The following SCN1A variants were observed in gnomAD, a reference collection of about 807,000 sequenced individuals.
SCN1A encodes sodium voltage-gated channel alpha subunit 1, also known as sodium channel protein type 1 subunit alpha.
Under a neutral mutation model 193.7 loss-of-function variants are expected in SCN1A, and 13 were observed. The observed-to-expected ratio is 0.07, with a 90% CI of 0.04 to 0.11. The LOEUF (loss-of-function observed/expected upper bound fraction) is 0.11. Ranked by LOEUF, SCN1A falls within the 10% of genes least tolerant of loss-of-function variation. The pLI, the probability that SCN1A is intolerant of heterozygous loss-of-function variation, is 1.00. For synonymous variants in SCN1A, 781 were observed against 843.6 expected, an observed-to-expected ratio of 0.93 and a Z score of 1.29; for missense variants, 1,432 against 2,451.1, an observed-to-expected ratio of 0.58 and a Z score of 8.78.
At chr2:166,112,334 T>C (rs1235369860) in intron 2 of SCN1A, among the ~76,000 whole-genome samples, 5 of 152,188 alleles carry the variant, frequency 3.3e-5, no homozygotes, top group Non-Finnish European at 7.4e-5. Flanking sequence ...CACTGAAGGC[T>C]CAGATGACTG....
At chr2:166,016,805 G>A (rs961140498) in intron 19 of SCN1A, among the ~76,000 whole-genome samples, 1 of 151,648 alleles carries the variant, frequency 6.6e-6, no homozygotes, top group Admixed American at 6.6e-5. Flanking sequence ...GGCTTATGTA[G>A]ACCCGACAAT....
intron 2 of SCN1A, among the ~76,000 whole-genome samples, chr2:166,121,381 A>AT (rs1690579731): frequency 2.6e-5 from 4 of 152,078 alleles, no homozygotes; most frequent in African/African-American, 9.7e-5. Context: ...GTAATACTTT[A>AT]ATTTTTTTTT....
At chr2:166,039,641 T>C in intron 16 of SCN1A, 45 bp from the exon 17 acceptor site, 1 of 1,506,212 alleles carries the variant, frequency 6.6e-7, no homozygotes. Flanking sequence ...GATAATAACA[T>C]ACATGACATA....
intron 19 of SCN1A, among the ~76,000 whole-genome samples, chr2:166,020,909 C>T (rs1044079007): frequency 9.2e-5 from 14 of 152,032 alleles, no homozygotes; most frequent in Admixed American, 9.2e-4. Context: ...AAACAATGAA[C>T]CCATGCTGGA....
rs916165681 is a variant in SCN1A at position 165,990,418 on chromosome 2, C to G, written c.*827G>C. On this transcript the variant is annotated 3_prime_UTR_variant, in exon 29 of 29. Transcript: ENST00000674923. ...GGTGGAGGGTGAGGGGCAATATTCA[C>G]TATTCAGGTTTTTTTTTTAATACAA... 13 of 152,240 alleles carry G rather than the reference C, an allele frequency of 8.5e-5. No individual in the cohort carries two copies. The highest frequency in any genetic ancestry group is 3.1e-4 in the African/African-American group (13 of 41,352). The allele number at this position is 152,240 out of a possible 1,614,324, so 9.4% of individuals were successfully genotyped here. A position where few individuals can be genotyped will look rare whatever the true frequency, so the allele number is the denominator to read the frequency against.
chr2:166,042,231 G>A, intron 15 of SCN1A, 61 bp downstream of exon 15: 1 of 1,532,004 alleles, frequency 6.5e-7, no homozygotes, highest in South Asian at 1.1e-5. Context: ...ATATTTGTTT[G>A]AAATGAGACA....
intron 27 of SCN1A, among the ~76,000 whole-genome samples, 168 bp from the exon 28 acceptor site, chr2:165,994,584 A>C (rs1046440510): frequency 1.3e-5 from 2 of 151,988 alleles, no homozygotes; most frequent in African/African-American, 4.8e-5. Flanking sequence ...TTAGTTATTT[A>C]AATTGCCATT....
At chr2:166,002,796 T>C (rs1574007601) in intron 23 of SCN1A, 43 bp from the exon 24 acceptor site, 1 of 1,555,634 alleles carries the variant, frequency 6.4e-7, no homozygotes, top group Admixed American at 2.0e-5. Flanking sequence ...AATTCTTATC[T>C]GTTAATAAAG....
upstream of SCN1A, among the ~76,000 whole-genome samples, chr2:166,128,300 A>C (rs1200193647): frequency 2.0e-5 from 3 of 152,060 alleles, no homozygotes; most frequent in Non-Finnish European, 4.4e-5. Context: ...AAATATAGCT[A>C]TTTTCAAGTA....
chr2:166,083,132 A>C (rs1019476356), intron 2 of SCN1A, among the ~76,000 whole-genome samples: 1 of 152,124 alleles, frequency 6.6e-6, no homozygotes, highest in African/African-American at 2.4e-5. Flanking sequence ...TTACATAGAA[A>C]TCCCAAACCT....
At chr2:166,091,338 T>C (rs1574454047) in intron 2 of SCN1A, among the ~76,000 whole-genome samples, 1 of 152,322 alleles carries the variant, frequency 6.6e-6, no homozygotes, top group Admixed American at 6.5e-5. Flanking sequence ...AGAAAATCAT[T>C]TAGCAATTTT....
chr2:166,036,923 G>T (rs1020307855), intron 18 of SCN1A, among the ~76,000 whole-genome samples: 2 of 152,094 alleles, frequency 1.3e-5, no homozygotes, highest in East Asian at 1.9e-4. Flanking sequence ...AATAAACAAA[G>T]ATATTAAATT....
chr2:166,123,223 C>CAAAAAAAAAA lies in SCN1A; in HGVS notation c.-142+3691_-142+3700dup, dbSNP rs57488795. ...AATCACATTCCTACTCATTCATTTG[C>CAAAAAAAAAA]AAAAAAAAAAAAAAAAAAAAAAAAA... On this transcript the variant is annotated intron_variant, in intron 2 of 28. Coordinates refer to ENST00000674923, the MANE Select transcript of SCN1A (RefSeq NM_001165963.4). Among the ~76,000 whole-genome samples the CAAAAAAAAAA allele has an allele frequency of 6.9e-4, 80 of 116,390 alleles. 2 individuals carry two copies. The highest frequency in any genetic ancestry group is 1.0e-3 in the African/African-American group (30 of 28,982). 76.4% of individuals were successfully genotyped at this position (116,390 alleles called of 152,430 possible).
chr2:166,105,051 T>TA (rs1178916594), intron 2 of SCN1A, among the ~76,000 whole-genome samples: 1 of 152,240 alleles, frequency 6.6e-6, no homozygotes, highest in African/African-American at 2.4e-5. Context: ...TCATATGTCT[T>TA]ACTCCTTAGG....
chr2:166,036,483 G>T lies in SCN1A; in HGVS notation c.2994C>A (p.Asp998Glu), dbSNP rs796052991. 3.7e-6 allele frequency: 6 copies of T among 1,612,526 alleles called. No homozygotes were observed. The African/African-American group carries it at 6.7e-5, about 18-fold the overall frequency. The change falls in exon 19 of 29, where the codon GAC becomes GAA. Residue 998 changes from aspartate to glutamate, a missense_variant. Asp to Glu is a conservative substitution (Grantham distance 45). Coordinates refer to ENST00000674923, the MANE Select transcript of SCN1A (RefSeq NM_001165963.4). ...LALLLSSFSA[D>E]NLAATDDDNE... ...TATCATCATCAGTGGCTGCAAGGTT[G>T]TCTGCACTAAATGAGCTCAGAAGCA... is the stretch of plus-strand genomic sequence containing the variant.
At chr2:166,108,290 T>TA (rs890150565) in intron 2 of SCN1A, among the ~76,000 whole-genome samples, 10 of 151,468 alleles carry the variant, frequency 6.6e-5, no homozygotes, top group East Asian at 1.9e-4. Flanking sequence ...ATAATAATAA[T>TA]AAAAAAAACA....
At chr2:166,039,992 T>A (rs1696950398) in intron 16 of SCN1A, among the ~76,000 whole-genome samples, 1 of 147,834 alleles carries the variant, frequency 6.8e-6, no homozygotes, top group Admixed American at 6.9e-5. Context: ...TGGTGCCATC[T>A]TGGCTCACTG....
At chr2:166,104,573 T>C (rs896964750) in intron 2 of SCN1A, among the ~76,000 whole-genome samples, 3 of 151,998 alleles carry the variant, frequency 2.0e-5, no homozygotes, top group African/African-American at 7.3e-5. Context: ...CAAAACCCCG[T>C]CTCTACAAAA....
rs1690105135 is a variant in SCN1A at position 165,996,672 on chromosome 2, C to T, written c.4477-555G>A. 2.0e-5 allele frequency among the ~76,000 whole-genome samples: 3 copies of T among 151,096 alleles called. No individual in the cohort carries two copies. The South Asian group carries it at 6.2e-4, about 31-fold the overall frequency. On this transcript the variant is annotated intron_variant, in intron 26 of 28. Coordinates refer to ENST00000674923, the MANE Select transcript of SCN1A (RefSeq NM_001165963.4). ...ATAGCATAGTAAGTATGGGACAGAC[C>T]AGTAGGGATAGAAGATTGGAACACT...
Sources: gnomAD v4.1 joint callset for allele counts (sites outside exome capture counted in the v4.1 genomes callset) on GRCh38, gnomAD v4.1.1 for gene constraint, MANE v1.5 for transcripts, NCBI Gene and HGNC (gene_info 2026-07-23, HGNC 2026-07-21) for gene names.